The following CFAP69 variants were observed in gnomAD, a reference collection of about 807,000 sequenced individuals.
The protein encoded by CFAP69 is cilia- and flagella-associated protein 69.
CFAP69 carries 92 observed loss-of-function variants against 123.0 expected under a neutral mutation model. The ratio of observed to expected loss-of-function variants is 0.75; its 90% CI spans 0.63 to 0.89. The LOEUF (loss-of-function observed/expected upper bound fraction) is 0.89. Among genes scored for constraint, CFAP69 ranks in the 40% least tolerant of loss-of-function variants. The probability of loss-of-function intolerance (pLI) is 0.00; values close to 1 mark genes in which losing one functional copy is unlikely to be tolerated. For missense variants in CFAP69, 1,067 were observed against 1,096.9 expected (o/e 0.97, Z 0.39); for synonymous variants, 380 against 364.3 (o/e 1.04, Z -0.49).
chr7:90,266,214 C>A (rs891804078), intron 5 of CFAP69: 8 of 151,854 alleles, frequency 5.3e-5, no homozygotes, highest in Non-Finnish European at 7.4e-5. Flanking sequence ...AGACACTAAC[C>A]CTTTTATATC....
intron 15 of CFAP69, among the ~76,000 whole-genome samples, chr7:90,295,839 C>T (rs1791864427): frequency 6.6e-6 from 1 of 152,172 alleles, no homozygotes; most frequent in South Asian, 2.1e-4. Context: ...TTATGCCTCC[C>T]CTTTATAGGC....
chr7:90,295,392 C>T (rs1791794840), intron 15 of CFAP69, among the ~76,000 whole-genome samples: 2 of 152,160 alleles, frequency 1.3e-5, no homozygotes, highest in Admixed American at 1.3e-4. Flanking sequence ...ACCTCTAACC[C>T]AATGCCATCC....
At chr7:90,306,232 A>G (rs1793575590) in intron 19 of CFAP69, among the ~76,000 whole-genome samples, 1 of 151,804 alleles carries the variant, frequency 6.6e-6, no homozygotes, top group East Asian at 1.9e-4. Flanking sequence ...TTTTTTCCTT[A>G]TCATAGATAT....
chr7:90,300,215 T>G, intron 17 of CFAP69, 156 bp downstream of exon 17: 1 of 1,147,592 alleles, frequency 8.7e-7, no homozygotes, highest in East Asian at 3.5e-5. Flanking sequence ...CCTAAGTGAC[T>G]GGAAGAAAAC....
chr7:90,253,317 C>G (rs1420332479), intron 1 of CFAP69, among the ~76,000 whole-genome samples: 1 of 152,098 alleles, frequency 6.6e-6, no homozygotes, highest in Non-Finnish European at 1.5e-5. Context: ...ATCATAAATA[C>G]TTTACCTCTG....
intron 4 of CFAP69, 74 bp from the exon 5 acceptor site, chr7:90,265,227 C>A: frequency 1.2e-6 from 1 of 855,974 alleles, no homozygotes; most frequent in Non-Finnish European, 2.0e-6. Context: ...ATGAACTCTC[C>A]CCCACTTACA....
chr7:90,277,414 A>G, intron 11 of CFAP69, 80 bp downstream of exon 11: 1 of 1,165,098 alleles, frequency 8.6e-7, no homozygotes, highest in Non-Finnish European at 1.2e-6. Context: ...TTGACTGTAA[A>G]TATTTTATCG....
the CFAP69 span, chr7:90,320,418 T>A: frequency 6.6e-6 from 1 of 152,168 alleles, no homozygotes; most frequent in South Asian, 2.1e-4. Flanking sequence ...AAAGGTGATA[T>A]AAGGTAGGAT....
chr7:90,286,240 G>T, intron 13 of CFAP69, 41 bp from the exon 14 acceptor site: 1 of 1,485,454 alleles, frequency 6.7e-7, no homozygotes, highest in Non-Finnish European at 9.1e-7. Flanking sequence ...AATAAAAGTA[G>T]TGTCCAATAA....
intron 1 of CFAP69, among the ~76,000 whole-genome samples, chr7:90,253,956 C>T (rs1006724113): frequency 2.6e-5 from 4 of 152,082 alleles, no homozygotes; most frequent in African/African-American, 9.7e-5. Flanking sequence ...ATTCCAGTGA[C>T]TTCTTAGTTT....
chr7:90,284,225 C>G (rs1207240652), intron 13 of CFAP69, among the ~76,000 whole-genome samples: 1 of 152,096 alleles, frequency 6.6e-6, no homozygotes, highest in Admixed American at 6.6e-5. Context: ...TTCTTAGAGG[C>G]AGGGACCTTG....
chr7:90,300,656 T>C (rs17869673), intron 17 of CFAP69: 7 of 223,282 alleles, frequency 3.1e-5, no homozygotes, highest in East Asian at 2.0e-4. Flanking sequence ...TTTTTTTTTC[T>C]TTTTTTTTTG....
chr7:90,303,437 C>A, intron 17 of CFAP69: 2 of 402,812 alleles, frequency 5.0e-6, no homozygotes, highest in Non-Finnish European at 6.7e-6. Context: ...ATAATGCTGG[C>A]TGTGGGTTTG....
intron 17 of CFAP69, chr7:90,300,584 T>TG: frequency 7.2e-6 from 3 of 416,940 alleles, no homozygotes; most frequent in Non-Finnish European, 9.7e-6. Flanking sequence ...TTAATGAGAC[T>TG]TACAGTATCA....
intron 19 of CFAP69, among the ~76,000 whole-genome samples, chr7:90,305,076 C>G (rs1427476201): frequency 6.6e-6 from 1 of 152,088 alleles, no homozygotes; most frequent in Admixed American, 6.5e-5. Flanking sequence ...GGCACGGTGG[C>G]TCACGCCTGT....
chr7:90,303,938 C>G, intron 17 of CFAP69, 31 bp from the exon 18 acceptor site: 1 of 1,525,188 alleles, frequency 6.6e-7, no homozygotes, highest in Non-Finnish European at 8.8e-7. Context: ...TTATCTGTCC[C>G]TTTTCTATTT....
chr7:90,247,886 G>A (rs1796524040), intron 1 of CFAP69, among the ~76,000 whole-genome samples: 1 of 152,038 alleles, frequency 6.6e-6, no homozygotes, highest in African/African-American at 2.4e-5. Context: ...TAATATATAA[G>A]CAAACTTATA....
intron 6 of CFAP69, 121 bp from the exon 7 acceptor site, chr7:90,271,405 A>G: frequency 9.5e-7 from 1 of 1,057,938 alleles, no homozygotes; most frequent in South Asian, 1.7e-5. Flanking sequence ...CGCAATTTTT[A>G]AATTCCATAT....
chr7:90,285,865 T>C (rs1209136692), intron 13 of CFAP69, among the ~76,000 whole-genome samples: 2 of 152,242 alleles, frequency 1.3e-5, no homozygotes, highest in Non-Finnish European at 1.5e-5. Context: ...AGAATTTCTA[T>C]ATATGTGAGG....
Sources: allele counts gnomAD v4.1 joint callset (sites outside exome capture counted in the v4.1 genomes callset), GRCh38; gene constraint gnomAD v4.1.1; transcripts MANE v1.5; gene names NCBI Gene and HGNC (gene_info 2026-07-23, HGNC 2026-07-21).